Variants in TSPAN2 observed in about 807,000 individuals in gnomAD.
The protein encoded by TSPAN2 is tetraspanin 2.
Under a neutral mutation model 33.3 loss-of-function variants are expected in TSPAN2, and 24 were observed. That is an observed-to-expected ratio of 0.72 (90% CI 0.52 to 1.01). The LOEUF (loss-of-function observed/expected upper bound fraction) is 1.01, where lower values mean the gene tolerates loss of function less well. Among genes scored for constraint, TSPAN2 ranks in the 50% least tolerant of loss-of-function variants. TSPAN2 has a pLI of 0.00. For missense variants in TSPAN2, 278 were observed against 281.3 expected (o/e 0.99, Z 0.08); for synonymous variants, 114 against 104.5 (o/e 1.09, Z -0.56).
intron 1 of TSPAN2, among the ~76,000 whole-genome samples, chr1:115,083,800 G>A (rs1352046085): frequency 6.6e-6 from 1 of 152,214 alleles, no homozygotes; most frequent in Non-Finnish European, 1.5e-5. Context: ...CTTAGCTGGA[G>A]CCATGCTTAA....
chr1:115,061,510 C>A (rs977461896), intron 3 of TSPAN2, among the ~76,000 whole-genome samples: 3 of 152,126 alleles, frequency 2.0e-5, no homozygotes, highest in Non-Finnish European at 4.4e-5. Context: ...GCTATAGAAA[C>A]CTTTTAGCTG....
At chr1:115,075,081 C>A (rs2101041686) in intron 1 of TSPAN2, among the ~76,000 whole-genome samples, 1 of 152,306 alleles carries the variant, frequency 6.6e-6, no homozygotes, top group Middle Eastern at 3.4e-3. Context: ...GGACACCCCA[C>A]CACGAGGCCA....
chr1:115,055,884 T>C (rs901805424), intron 6 of TSPAN2, among the ~76,000 whole-genome samples: 1 of 152,194 alleles, frequency 6.6e-6, no homozygotes, highest in African/African-American at 2.4e-5. Context: ...TATTGCCACA[T>C]ATTAAGGGTC....
At chr1:115,053,804 T>C (rs1647281637) in intron 6 of TSPAN2, among the ~76,000 whole-genome samples, 1 of 152,200 alleles carries the variant, frequency 6.6e-6, no homozygotes, top group South Asian at 2.1e-4. Context: ...ATAAGTAAAA[T>C]ACCCTTAAAA....
intron 4 of TSPAN2, among the ~76,000 whole-genome samples, chr1:115,059,449 G>A (rs1166036081): frequency 1.3e-5 from 2 of 152,182 alleles, no homozygotes; most frequent in African/African-American, 4.8e-5. Context: ...GCCCAACTGG[G>A]CTTCAGCATC....
intron 3 of TSPAN2, 107 bp downstream of exon 3, chr1:115,062,026 CAG>C: frequency 1.1e-6 from 1 of 895,124 alleles, no homozygotes; most frequent in Non-Finnish European, 1.7e-6. Context: ...GCCAAGGGCT[CAG>C]AGAGTCCACG....
At chr1:115,068,063 C>A (rs1648018631) in intron 2 of TSPAN2, among the ~76,000 whole-genome samples, 1 of 152,214 alleles carries the variant, frequency 6.6e-6, no homozygotes, top group African/African-American at 2.4e-5. Context: ...TCACTCCTGC[C>A]AGGTCCTCTC....
intron 4 of TSPAN2, among the ~76,000 whole-genome samples, chr1:115,059,281 TA>T (rs11439084): frequency 4.0e-5 from 6 of 151,340 alleles, no homozygotes; most frequent in Admixed American, 1.3e-4. Flanking sequence ...CCTGTAGAAA[TA>T]AAAAAAAATA....
rs1647250176 is a variant in TSPAN2, at chr1:115,053,012, C to T, written c.600+367G>A. ...CCTATTAATCTCTATGCTCTGCTGCCTCTTCAAATCGTAGGTGAGAGAGAT... is the reference window on the plus strand; with the variant it reads ...CCTATTAATCTCTATGCTCTGCTGCTTCTTCAAATCGTAGGTGAGAGAGAT... On this transcript the variant is annotated intron_variant, in intron 7 of 7. Coordinates refer to ENST00000369516, the MANE Select transcript of TSPAN2 (RefSeq NM_005725.6). Among the ~76,000 whole-genome samples, 2 of 152,136 alleles carry T rather than the reference C, an allele frequency of 1.3e-5. 1 individual carries two copies. Among genetic ancestry groups the T allele is most frequent in the African/African-American group, 4.8e-5 (2 of 41,424 alleles).
chr1:115,073,088 T>C, intron 1 of TSPAN2, 81 bp from the exon 2 acceptor site: 1 of 1,207,546 alleles, frequency 8.3e-7, no homozygotes, highest in South Asian at 1.2e-5. Context: ...AGGCACAGGA[T>C]GCTGACAAGG....
At chr1:115,069,235 C>A (rs1188069510) in intron 2 of TSPAN2, among the ~76,000 whole-genome samples, 1 of 152,204 alleles carries the variant, frequency 6.6e-6, no homozygotes, top group Non-Finnish European at 1.5e-5. Context: ...GCTGTTTTCC[C>A]TGCCCAGAAT....
At chr1:115,065,639 T>C (rs1036273081) in intron 2 of TSPAN2, among the ~76,000 whole-genome samples, 1 of 152,190 alleles carries the variant, frequency 6.6e-6, no homozygotes, top group Admixed American at 6.5e-5. Context: ...TACATAATAG[T>C]TGTACACATT....
At chr1:115,083,290 C>A (rs755416460) in intron 1 of TSPAN2, among the ~76,000 whole-genome samples, 1 of 152,214 alleles carries the variant, frequency 6.6e-6, no homozygotes, top group Non-Finnish European at 1.5e-5. Flanking sequence ...GACCCAAAGA[C>A]ACTTCATGGC....
At chr1:115,087,215 G>A (rs1458350287) in intron 1 of TSPAN2, among the ~76,000 whole-genome samples, 5 of 152,006 alleles carry the variant, frequency 3.3e-5, no homozygotes, top group African/African-American at 9.7e-5. Context: ...CACTGTGCCC[G>A]GCCTGAGAAT....
At chr1:115,070,555 C>A (rs1189793076) in intron 2 of TSPAN2, among the ~76,000 whole-genome samples, 1 of 151,804 alleles carries the variant, frequency 6.6e-6, no homozygotes, top group Non-Finnish European at 1.5e-5. Flanking sequence ...CCCAACATTC[C>A]AAATCCTACT....
chr1:115,089,405 A>T lies in TSPAN2; in HGVS notation c.28T>A (p.Cys10Ser). 1 of 1,590,122 alleles carries T rather than the reference A, an allele frequency of 6.3e-7. No individual in the cohort carries two copies. The highest frequency in any genetic ancestry group is 8.5e-7 in the Non-Finnish European group (1 of 1,169,876). Residue 10 changes from cysteine to serine, a missense_variant, in exon 1 of 8, where the codon TGC (cysteine) becomes AGC (serine). Cys to Ser is a moderately radical substitution (Grantham distance 112, BLOSUM62 -1). Transcript: ENST00000369516. ...AAGCCAAGCAGCAGGTACTTGATGC[A>T]CCGCAGGCCCCCGCGGAAGCGCCCC... MGRFRGGLR[C>S]IKYLLLGFNL...
At position 115,049,145 on chromosome 1, in the gene TSPAN2, A is replaced by ATT. The variant is rs2101017181; in HGVS notation, c.*1344_*1345insAA. 6.6e-6 allele frequency: 1 copy of ATT among 152,292 alleles called. No individual in the cohort carries two copies. The highest frequency in any genetic ancestry group is 1.5e-5 in the Non-Finnish European group (1 of 67,982). The allele number at this position is 152,292 out of a possible 1,614,324, so 9.4% of individuals were successfully genotyped here. On this transcript the variant is annotated 3_prime_UTR_variant, in exon 8 of 8. Transcript: ENST00000369516. Reference sequence around the variant, plus strand: ...GTTTACTAAATGTAACACGTTAAAAATCACTGAAAAATTTGCCAATGTAAA... The same window carrying ATT: ...GTTTACTAAATGTAACACGTTAAAAATTTCACTGAAAAATTTGCCAATGTAAA...
chr1:115,089,027 C>CCAGGGCCCT (rs1648952950), intron 1 of TSPAN2, among the ~76,000 whole-genome samples: 1 of 39,682 alleles, frequency 2.5e-5, no homozygotes, highest in Non-Finnish European at 5.4e-5. Flanking sequence ...AACAGGGACC[C>CCAGGGCCCT]AAGTCCTCCG....
In TSPAN2 at chr1:115,055,674, C is replaced by A. The variant is rs576682090; in HGVS notation, c.516+1863G>T. Among the ~76,000 whole-genome samples the A allele has an allele frequency of 7.9e-5, 12 of 152,208 alleles. No homozygotes were observed. In the South Asian group the frequency reaches 2.5e-3, roughly 32 times the overall value. ...GAGTAGCTGGGATCACAGGCACATGCCACCACGCCTGGCTAATTTTTGTAT... is the reference window on the plus strand; with the variant it reads ...GAGTAGCTGGGATCACAGGCACATGACACCACGCCTGGCTAATTTTTGTAT... On this transcript the variant is annotated intron_variant, in intron 6 of 7. Coordinates refer to ENST00000369516, the MANE Select transcript of TSPAN2 (RefSeq NM_005725.6).
Sources: gnomAD v4.1 joint callset for allele counts (sites outside exome capture counted in the v4.1 genomes callset) on GRCh38, gnomAD v4.1.1 for gene constraint, MANE v1.5 for transcripts, NCBI Gene and HGNC (gene_info 2026-07-23, HGNC 2026-07-21) for gene names.